The following ACYP2 variants were observed in gnomAD, a reference collection of about 807,000 sequenced individuals.
ACYP2 encodes acylphosphatase 2.
In ACYP2, 12 loss-of-function variants were observed where a neutral mutation model predicts 11.2. The observed-to-expected ratio is 1.08, with a 90% CI of 0.69 to 1.74. The LOEUF is 1.74. ACYP2 is among the 40% of genes most tolerant of loss of function. ACYP2 has a pLI of 0.00. For missense variants in ACYP2, 134 were observed against 101.9 expected, an observed-to-expected ratio of 1.31 and a Z score of -1.35; for synonymous variants, 43 against 32.2, an observed-to-expected ratio of 1.33 and a Z score of -1.13.
intron 6 of ACYP2, among the ~76,000 whole-genome samples, chr2:54,153,535 T>A (rs1006145435): frequency 2.0e-5 from 3 of 151,076 alleles, no homozygotes; most frequent in African/African-American, 7.3e-5. Flanking sequence ...GTGAAAAATG[T>A]CATTGAAATG....
In ACYP2 at chr2:54,038,697, A is replaced by ATATG. The variant is rs1170805844; in HGVS notation, c.63-12258_63-12257insGTAT. Reference sequence around the variant, plus strand: ...ACTATATATATATATATATATATATATATATATATATATATACTCTTCTAA... The same window carrying ATATG: ...ACTATATATATATATATATATATATATATGTATATATATATATATACTCTTCTAA... On this transcript the variant is annotated intron_variant, in intron 2 of 6. Coordinates refer to ENST00000607452, the MANE Select transcript of ACYP2 (RefSeq NM_001320586.2). Among the ~76,000 whole-genome samples, 51 of 43,868 alleles carry ATATG rather than the reference A, an allele frequency of 1.2e-3. 1 individual carries two copies. The highest frequency in any genetic ancestry group is 3.4e-3 in the African/African-American group (48 of 14,244). 28.8% of individuals were successfully genotyped at this position (43,868 alleles called of 152,430 possible). A position where few individuals can be genotyped will look rare whatever the true frequency, so the allele number is the denominator to read the frequency against.
intron 6 of ACYP2, among the ~76,000 whole-genome samples, chr2:54,156,759 G>A (rs549344900): frequency 2.0e-5 from 3 of 152,060 alleles, no homozygotes; most frequent in South Asian, 2.1e-4. Flanking sequence ...TCCACCTCCC[G>A]GGTTCAAGCA....
At chr2:54,041,868 G>A (rs558390619) in intron 2 of ACYP2, among the ~76,000 whole-genome samples, 2 of 152,118 alleles carry the variant, frequency 1.3e-5, no homozygotes, top group African/African-American at 4.8e-5. Context: ...ACAGCTCACT[G>A]CAGCCTCAAC....
rs145402422 is a variant in ACYP2, at chr2:54,124,822, C to G, written c.278-10631C>G. 1.5e-3 allele frequency among the ~76,000 whole-genome samples: 230 copies of G among 152,312 alleles called. 1 individual carries two copies. Among genetic ancestry groups the G allele is most frequent in the African/African-American group, 5.3e-3 (221 of 41,580 alleles). On this transcript the variant is annotated intron_variant, in intron 4 of 6. Transcript: ENST00000607452. Reference sequence around the variant, plus strand: ...CTCAATTGATCCTCCCCCACTCTATCCTCCCTAATAGCTGGGACTAGAGGC... The same window carrying G: ...CTCAATTGATCCTCCCCCACTCTATGCTCCCTAATAGCTGGGACTAGAGGC...
intron 6 of ACYP2, among the ~76,000 whole-genome samples, chr2:54,173,476 C>T (rs1182118094): frequency 6.6e-6 from 1 of 151,948 alleles, no homozygotes; most frequent in African/African-American, 2.4e-5. Flanking sequence ...CAAAAATTTT[C>T]TCCCGTTCTG....
chr2:54,257,678 AAAT>A (rs1381088298), intron 6 of ACYP2, among the ~76,000 whole-genome samples: 8 of 152,248 alleles, frequency 5.3e-5, no homozygotes, highest in African/African-American at 1.9e-4. Flanking sequence ...AGGAGAGAGA[AAAT>A]AAGCAATATT....
intron 6 of ACYP2, among the ~76,000 whole-genome samples, chr2:54,150,957 G>T (rs1382230164): frequency 6.7e-6 from 1 of 148,196 alleles, no homozygotes; most frequent in African/African-American, 2.5e-5. Flanking sequence ...TAGCCAGGAT[G>T]GTCTCGATCT....
intron 4 of ACYP2, among the ~76,000 whole-genome samples, chr2:54,126,365 A>G (rs530315510): frequency 6.6e-6 from 1 of 152,316 alleles, no homozygotes; most frequent in Non-Finnish European, 1.5e-5. Context: ...GTCATCTGAC[A>G]TACCTTGATG....
At chr2:54,051,723 AATC>A in intron 3 of ACYP2, 1 of 585,794 alleles carries the variant, frequency 1.7e-6, no homozygotes, top group Non-Finnish European at 3.1e-6. Flanking sequence ...CAAAAAAAGG[AATC>A]ATCAAGGCTG....
intron 6 of ACYP2, among the ~76,000 whole-genome samples, chr2:54,282,763 G>T (rs1317031496): frequency 6.6e-6 from 1 of 151,960 alleles, no homozygotes; most frequent in Non-Finnish European, 1.5e-5. Flanking sequence ...TATGAAAGTA[G>T]AGCTGTGTGA....
chr2:54,164,381 C>T (rs1682861059), intron 6 of ACYP2, among the ~76,000 whole-genome samples: 1 of 152,118 alleles, frequency 6.6e-6, no homozygotes, highest in East Asian at 1.9e-4. Flanking sequence ...AGAATGCTTT[C>T]AGCTGGGGGC....
chr2:53,991,080 G>A (rs1409897193), intron 2 of ACYP2, among the ~76,000 whole-genome samples: 1 of 152,228 alleles, frequency 6.6e-6, no homozygotes, highest in Non-Finnish European at 1.5e-5. Flanking sequence ...ACAGGCGTGA[G>A]CCACCGTGCC....
At chr2:54,014,993 G>A (rs966610693) in intron 2 of ACYP2, among the ~76,000 whole-genome samples, 2 of 152,084 alleles carry the variant, frequency 1.3e-5, no homozygotes, top group Non-Finnish European at 2.9e-5. Flanking sequence ...TTGAATTTAG[G>A]ACAATATCCT....
intron 2 of ACYP2, among the ~76,000 whole-genome samples, chr2:54,009,491 T>G (rs1025395038): frequency 3.3e-5 from 5 of 152,062 alleles, no homozygotes; most frequent in African/African-American, 1.2e-4. Flanking sequence ...AGAGAAGCAC[T>G]TGTACCCAGG....
intron 6 of ACYP2, among the ~76,000 whole-genome samples, chr2:54,263,025 C>T (rs528928804): frequency 1.2e-3 from 180 of 152,052 alleles, no homozygotes; most frequent in African/African-American, 4.2e-3. Context: ...TTGTGTCCAG[C>T]GTGGACAAGG....
intron 6 of ACYP2, among the ~76,000 whole-genome samples, chr2:54,149,148 G>GA (rs1336413583): frequency 2.0e-5 from 3 of 152,152 alleles, no homozygotes; most frequent in South Asian, 2.1e-4. Flanking sequence ...TTTAAAAAGA[G>GA]AAAAATTTTT....
intron 2 of ACYP2, among the ~76,000 whole-genome samples, chr2:53,987,729 T>C (rs1344952435): frequency 6.6e-6 from 1 of 152,222 alleles, no homozygotes; most frequent in Non-Finnish European, 1.5e-5. Flanking sequence ...TAATGAGTAA[T>C]GATGTTGAAC....
intron 6 of ACYP2, among the ~76,000 whole-genome samples, chr2:54,273,279 C>A (rs986331897): frequency 6.6e-6 from 1 of 152,164 alleles, no homozygotes; most frequent in African/African-American, 2.4e-5. Context: ...TTTAAACATA[C>A]AAAGTTTTAA....
At chr2:54,217,504 C>A (rs1685608017) in intron 6 of ACYP2, among the ~76,000 whole-genome samples, 1 of 151,830 alleles carries the variant, frequency 6.6e-6, no homozygotes, top group Non-Finnish European at 1.5e-5. Flanking sequence ...GTAGCTAGGA[C>A]CACAGGTGCA....
Sources: allele counts gnomAD v4.1 joint callset (sites outside exome capture counted in the v4.1 genomes callset), GRCh38; gene constraint gnomAD v4.1.1; transcripts MANE v1.5; gene names NCBI Gene and HGNC (gene_info 2026-07-23, HGNC 2026-07-21).